Variants in BCR observed in about 807,000 individuals in gnomAD.
The protein encoded by BCR is breakpoint cluster region protein.
In BCR, 58 loss-of-function variants were observed where a neutral mutation model predicts 138.6. The observed-to-expected ratio is 0.42, with a 90% CI of 0.34 to 0.52. The LOEUF is 0.52. Among genes scored for constraint, BCR ranks in the 20% least tolerant of loss-of-function variants. The pLI, the probability that BCR is intolerant of heterozygous loss-of-function variation, is 0.06. For missense variants in BCR, 1,599 were observed against 1,727.2 expected, an observed-to-expected ratio of 0.93 and a Z score of 1.32; for synonymous variants, 786 against 730.1, an observed-to-expected ratio of 1.08 and a Z score of -1.23.
chr22:23,197,990 G>A (rs918416705), intron 1 of BCR, among the ~76,000 whole-genome samples: 3 of 152,150 alleles, frequency 2.0e-5, no homozygotes, highest in South Asian at 4.1e-4. Context: ...GGACAGAAGC[G>A]TGGGTTGCGG....
In BCR at chr22:23,216,943, T is replaced by C. The variant is rs189406492; in HGVS notation, c.1279+34704T>C. On this transcript the variant is annotated intron_variant, in intron 1 of 22. Coordinates refer to ENST00000305877, the MANE Select transcript of BCR (RefSeq NM_004327.4). ...TCTCAGCTGAACTTCCACCGGATTC[T>C]GTTGGTACAGTGTGTCGCAAGTCTT... The C allele has an allele frequency of 1.8e-5, 7 of 381,198 alleles. No individual in the cohort carries two copies. In the Admixed American group the frequency reaches 1.9e-4, roughly 10 times the overall value. The allele number at this position is 381,198 out of a possible 1,614,324, so 23.6% of individuals were successfully genotyped here.
chr22:23,274,134 T>C (rs1602091543), intron 8 of BCR, among the ~76,000 whole-genome samples: 1 of 152,176 alleles, frequency 6.6e-6, no homozygotes, highest in East Asian at 1.9e-4. Flanking sequence ...AGTAGGAGGA[T>C]GGCATTTTGT....
chr22:23,280,100 A>T (rs1011976965), intron 8 of BCR, among the ~76,000 whole-genome samples: 1 of 152,140 alleles, frequency 6.6e-6, no homozygotes, highest in Non-Finnish European at 1.5e-5. Flanking sequence ...CAAAGGCCCC[A>T]CCTCCAGATA....
At chr22:23,268,770 CTT>C (rs745822801) in intron 5 of BCR, among the ~76,000 whole-genome samples, 1 of 152,284 alleles carries the variant, frequency 6.6e-6, no homozygotes, top group Non-Finnish European at 1.5e-5. Flanking sequence ...CGGGGACACT[CTT>C]TGCACTGTCT....
chr22:23,289,001 C>T (rs1037614450), intron 12 of BCR, among the ~76,000 whole-genome samples: 10 of 152,330 alleles, frequency 6.6e-5, no homozygotes, highest in Admixed American at 4.6e-4. Flanking sequence ...CAAGGATCTC[C>T]GGGCAGCCCT....
chr22:23,301,843 A>G (rs572325446), intron 16 of BCR, among the ~76,000 whole-genome samples: 1 of 152,294 alleles, frequency 6.6e-6, no homozygotes, highest in East Asian at 1.9e-4. Flanking sequence ...ATGGACCAGG[A>G]TGGCCTCGCT....
chr22:23,225,819 G>A (rs933810961), intron 1 of BCR, among the ~76,000 whole-genome samples: 2 of 152,246 alleles, frequency 1.3e-5, no homozygotes, highest in African/African-American at 4.8e-5. Context: ...CAGGGAGCCT[G>A]GGGGCCAGTT....
In BCR at chr22:23,276,976, G is replaced by T. The variant is rs141265720; in HGVS notation, c.2115+3202G>T. 5.9e-5 allele frequency among the ~76,000 whole-genome samples: 9 copies of T among 152,338 alleles called. No homozygotes were observed. The East Asian group carries it at 1.7e-3, about 29-fold the overall frequency. On this transcript the variant is annotated intron_variant, in intron 8 of 22. Coordinates refer to ENST00000305877, the MANE Select transcript of BCR (RefSeq NM_004327.4). ...TGAAAAGGTTTCACAGCCTGCGAGG[G>T]ACTTTATGAAAGTGAGGGGTGGTGG...
chr22:23,267,167 A>G (rs1454253501), intron 4 of BCR, among the ~76,000 whole-genome samples: 1 of 152,134 alleles, frequency 6.6e-6, no homozygotes, highest in South Asian at 2.1e-4. Flanking sequence ...ACAAGGCCTA[A>G]AGCAGGCCCT....
chr22:23,210,756 C>G (rs1372015097), intron 1 of BCR, among the ~76,000 whole-genome samples: 1 of 152,208 alleles, frequency 6.6e-6, no homozygotes, highest in Non-Finnish European at 1.5e-5. Context: ...CCTTTTGGCT[C>G]TGGCTTTTTT....
At chr22:23,278,784 G>C (rs1159234282) in intron 8 of BCR, among the ~76,000 whole-genome samples, 3 of 152,204 alleles carry the variant, frequency 2.0e-5, no homozygotes, top group African/African-American at 7.2e-5. Flanking sequence ...TGTTGGCAAA[G>C]TTTGCAAGGG....
At chr22:23,299,100 C>T (rs905695364) in intron 16 of BCR, among the ~76,000 whole-genome samples, 4 of 152,150 alleles carry the variant, frequency 2.6e-5, no homozygotes, top group African/African-American at 7.2e-5. Context: ...GGGTTCACGC[C>T]ATTCTCCTGC....
At position 23,257,876 on chromosome 22, in the gene BCR, G is replaced by A. The variant is rs574347462; in HGVS notation, c.1462-3074G>A. 2.0e-5 allele frequency among the ~76,000 whole-genome samples: 3 copies of A among 152,306 alleles called. No homozygotes were observed. The South Asian group carries it at 6.2e-4, about 32-fold the overall frequency. The stretch of plus-strand genomic sequence containing the variant: ...GCCCTCAGAGATTCATAAAAACGCA[G>A]CCAACACTAGGATACAACCAGGTGT... On this transcript the variant is annotated intron_variant, in intron 2 of 22. Transcript: ENST00000305877.
At chr22:23,262,553 C>G (rs2073373458) in intron 4 of BCR, among the ~76,000 whole-genome samples, 1 of 152,228 alleles carries the variant, frequency 6.6e-6, no homozygotes, top group Admixed American at 6.5e-5. Context: ...TTTGAAGCCC[C>G]CCCACCCCCG....
At chr22:23,199,397 C>T (rs1387718106) in intron 1 of BCR, 4 of 475,810 alleles carry the variant, frequency 8.4e-6, no homozygotes, top group Non-Finnish European at 1.7e-5. Flanking sequence ...GCCACAGTCT[C>T]AGGTTCCAGA....
At chr22:23,254,123 A>C in intron 2 of BCR, 143 bp downstream of exon 2, 1 of 917,004 alleles carries the variant, frequency 1.1e-6, no homozygotes, top group South Asian at 1.8e-5. Flanking sequence ...CTCCTTCCTC[A>C]TCTCTACATG....
At chr22:23,284,321 C>A (rs561585468) in intron 9 of BCR, among the ~76,000 whole-genome samples, 1 of 152,044 alleles carries the variant, frequency 6.6e-6, no homozygotes, top group Non-Finnish European at 1.5e-5. Context: ...GGGGTAAACC[C>A]GACCGTGGCT....
chr22:23,240,423 G>A (rs992023183), intron 1 of BCR, among the ~76,000 whole-genome samples: 6 of 151,320 alleles, frequency 4.0e-5, no homozygotes, highest in Non-Finnish European at 7.4e-5. Flanking sequence ...AGGCTGAGGC[G>A]GGTGGATCAC....
At chr22:23,292,418 AG>A (rs1189303473) in intron 14 of BCR, 122 bp from the exon 15 acceptor site, 1 of 794,370 alleles carries the variant, frequency 1.3e-6, no homozygotes, top group East Asian at 2.8e-5. Context: ...TTAAAAAGAA[AG>A]TTACAACCTT....
Sources: gnomAD v4.1 joint callset for allele counts (sites outside exome capture counted in the v4.1 genomes callset) on GRCh38, gnomAD v4.1.1 for gene constraint, MANE v1.5 for transcripts, NCBI Gene and HGNC (gene_info 2026-07-23, HGNC 2026-07-21) for gene names.